L3MBTL4: variants seen among roughly 807,000 people sequenced by gnomAD.
The protein encoded by L3MBTL4 is lethal(3)malignant brain tumor-like protein 4.
L3MBTL4 carries 70 observed loss-of-function variants against 84.5 expected under a neutral mutation model. The ratio of observed to expected loss-of-function variants is 0.83; its 90% CI spans 0.68 to 1.01. The LOEUF (loss-of-function observed/expected upper bound fraction) is 1.01. Ranked by LOEUF, L3MBTL4 falls within the 50% of genes least tolerant of loss-of-function variation. The pLI is 0.00. For synonymous variants in L3MBTL4, 274 were observed against 259.8 expected (o/e 1.05, Z -0.52); for missense variants, 715 against 754.8 (o/e 0.95, Z 0.62).
At chr18:6,335,036 T>C (rs756837308) in intron 1 of L3MBTL4, among the ~76,000 whole-genome samples, 3 of 152,196 alleles carry the variant, frequency 2.0e-5, no homozygotes, top group Non-Finnish European at 4.4e-5. Context: ...CCAAAGCTTG[T>C]CTTTCTAAAG....
chr18:6,001,876 T>G (rs2054230855), intron 16 of L3MBTL4, among the ~76,000 whole-genome samples: 1 of 152,110 alleles, frequency 6.6e-6, no homozygotes, highest in South Asian at 2.1e-4. Flanking sequence ...AGAGACAATT[T>G]GGAGAAACAA....
At chr18:6,202,393 G>C (rs569073541) in intron 12 of L3MBTL4, among the ~76,000 whole-genome samples, 17 of 152,188 alleles carry the variant, frequency 1.1e-4, no homozygotes, top group African/African-American at 4.1e-4. Context: ...AATGCAATGA[G>C]ATGTCATGGA....
chr18:6,221,882 GA>G (rs2046570455), intron 10 of L3MBTL4, among the ~76,000 whole-genome samples: 1 of 152,180 alleles, frequency 6.6e-6, no homozygotes, highest in African/African-American at 2.4e-5. Context: ...TACACTACCT[GA>G]AAGCTGTCAT....
chr18:6,413,630 G>A (rs2056062329), intron 1 of L3MBTL4, among the ~76,000 whole-genome samples: 1 of 152,198 alleles, frequency 6.6e-6, no homozygotes, highest in African/African-American at 2.4e-5. Flanking sequence ...TGAAACTGGA[G>A]CCTGCCACAA....
intron 16 of L3MBTL4, among the ~76,000 whole-genome samples, chr18:6,023,567 C>T (rs1031507129): frequency 6.6e-6 from 1 of 152,128 alleles, no homozygotes; most frequent in African/African-American, 2.4e-5. Flanking sequence ...TTACCAAGTA[C>T]CCCGTTTTGA....
At chr18:6,010,210 A>C (rs1008627140) in intron 16 of L3MBTL4, among the ~76,000 whole-genome samples, 1 of 152,172 alleles carries the variant, frequency 6.6e-6, no homozygotes, top group Non-Finnish European at 1.5e-5. Flanking sequence ...TTGATAAGAC[A>C]GGCATTAAAA....
At chr18:6,059,337 G>A (rs188784912) in intron 16 of L3MBTL4, among the ~76,000 whole-genome samples, 4 of 152,152 alleles carry the variant, frequency 2.6e-5, no homozygotes, top group Admixed American at 6.5e-5. Context: ...AAGTATCTAC[G>A]TATTAAAGCA....
At chr18:6,118,208 A>AACCCACACACACACACACACACACACAC (rs2059416194) in intron 14 of L3MBTL4, among the ~76,000 whole-genome samples, 1 of 141,782 alleles carries the variant, frequency 7.1e-6, no homozygotes. Flanking sequence ...AACACACACA[A>AACCCACACACACACACACACACACACAC]ACACACACAC....
intron 1 of L3MBTL4, among the ~76,000 whole-genome samples, chr18:6,384,654 T>A (rs1425148248): frequency 6.6e-6 from 1 of 152,238 alleles, no homozygotes; most frequent in African/African-American, 2.4e-5. Context: ...TTCCCCACCC[T>A]GTTCTGAATA....
intron 16 of L3MBTL4, among the ~76,000 whole-genome samples, chr18:6,032,832 C>A (rs959562823): frequency 6.6e-6 from 1 of 152,180 alleles, no homozygotes; most frequent in Non-Finnish European, 1.5e-5. Context: ...TGGCTTATTT[C>A]ATCTCACAGT....
In L3MBTL4 at chr18:6,340,365, C is replaced by T. The variant is rs544171654; in HGVS notation, c.-90-28309G>A. On this transcript the variant is annotated intron_variant, in intron 1 of 18. Transcript: ENST00000317931. ...GGGTGAAAAGCAATTTCACATTACC[C>T]ACATCACTTCTCCCCCAAGGTGGCA... 6.6e-5 allele frequency among the ~76,000 whole-genome samples: 10 copies of T among 152,278 alleles called. No homozygotes were observed. In the South Asian group the frequency reaches 2.1e-3, roughly 32 times the overall value.
At chr18:6,261,658 T>C (rs1780216805) in intron 5 of L3MBTL4, among the ~76,000 whole-genome samples, 1 of 152,190 alleles carries the variant, frequency 6.6e-6, no homozygotes, top group Non-Finnish European at 1.5e-5. Context: ...TGAGGATTTA[T>C]TTCAGGAACA....
At chr18:6,258,379 A>G (rs1303267929) in intron 5 of L3MBTL4, among the ~76,000 whole-genome samples, 4 of 152,188 alleles carry the variant, frequency 2.6e-5, no homozygotes, top group Non-Finnish European at 5.9e-5. Flanking sequence ...TAGAGAAGGT[A>G]GGCAGTGAAT....
intron 5 of L3MBTL4, among the ~76,000 whole-genome samples, chr18:6,257,272 A>T (rs758656285): frequency 7.2e-5 from 11 of 152,128 alleles, no homozygotes; most frequent in Non-Finnish European, 1.3e-4. Context: ...CGGGAACCAG[A>T]GGGCAGAGAG....
intron 16 of L3MBTL4, among the ~76,000 whole-genome samples, chr18:6,034,840 C>G (rs1455250053): frequency 3.7e-4 from 55 of 149,684 alleles, no homozygotes; most frequent in African/African-American, 1.0e-3. Flanking sequence ...GATTGCCATT[C>G]TAACTGGTGT....
Position 6,138,264 on chromosome 18 carries a change from C to A in L3MBTL4, c.1129G>T (p.Ala377Ser), listed in dbSNP as rs748037010. The change falls in exon 14 of 19, where the codon GCT becomes TCT. Residue 377 changes from alanine to serine, a missense_variant. Ala to Ser is a moderately conservative substitution (Grantham distance 99). Coordinates refer to ENST00000317931, the MANE Select transcript of L3MBTL4 (RefSeq NM_001330559.2). ...CGGCACCCGGGAGTAGGACAGACAG[C>A]TTGACCTGGAAGGATCTTCAGGTCA... ...TNDLKILPGQ[A>S]VCPTPGCRGI... is the part of the protein sequence containing the mutation. 54 of 1,612,858 alleles carry A rather than the reference C, an allele frequency of 3.3e-5. No individual in the cohort carries two copies. The highest frequency in any genetic ancestry group is 4.5e-5 in the Non-Finnish European group (53 of 1,179,404).
chr18:6,196,436 C>T (rs538139592), intron 12 of L3MBTL4, among the ~76,000 whole-genome samples: 6 of 152,270 alleles, frequency 3.9e-5, no homozygotes, highest in South Asian at 2.1e-4. Flanking sequence ...GGATTACAGG[C>T]ATGAGCCACC....
chr18:6,005,806 C>G lies in L3MBTL4; in HGVS notation c.1445-36244G>C, dbSNP rs576599378. Among the ~76,000 whole-genome samples, 315 of 152,122 alleles carry G rather than the reference C, an allele frequency of 2.1e-3. 1 individual carries two copies. Among genetic ancestry groups the G allele is most frequent in the African/African-American group, 7.1e-3 (295 of 41,480 alleles). On this transcript the variant is annotated intron_variant, in intron 16 of 18. Transcript: ENST00000317931. ...TAGTGCTGTGATGAACATATGCATG[C>G]ATGTATCTTGATGGTAGAAAAATTT...
intron 1 of L3MBTL4, among the ~76,000 whole-genome samples, chr18:6,400,967 G>C (rs565094556): frequency 2.3e-4 from 35 of 152,274 alleles, no homozygotes; most frequent in African/African-American, 8.4e-4. Flanking sequence ...GACTCACAAG[G>C]TGTCCTCAAT....
Sources: gnomAD v4.1 joint callset for allele counts (sites outside exome capture counted in the v4.1 genomes callset) on GRCh38, gnomAD v4.1.1 for gene constraint, MANE v1.5 for transcripts, NCBI Gene and HGNC (gene_info 2026-07-23, HGNC 2026-07-21) for gene names.